SNX29: variants seen among roughly 807,000 people sequenced by gnomAD.
The protein encoded by SNX29 is sorting nexin 29, also known as sorting nexin-29.
A neutral mutation model predicts 102.1 loss-of-function variants in SNX29; 78 were observed. The observed-to-expected ratio is 0.76, with a 90% CI of 0.64 to 0.92. SNX29 has a LOEUF of 0.92. Among genes scored for constraint, SNX29 ranks in the 40% least tolerant of loss-of-function variants. SNX29 has a pLI of 0.00. For synonymous variants in SNX29, 580 were observed against 414.5 expected, an observed-to-expected ratio of 1.40 and a Z score of -4.85; for missense variants, 1,280 against 1,061.7, an observed-to-expected ratio of 1.21 and a Z score of -2.86.
At chr16:12,132,298 C>G (rs981942047) in intron 13 of SNX29, among the ~76,000 whole-genome samples, 1 of 152,142 alleles carries the variant, frequency 6.6e-6, no homozygotes, top group African/African-American at 2.4e-5. Flanking sequence ...TGGGGTTTCA[C>G]TATGTTGGCC....
chr16:12,115,282 A>T (rs1180113512), intron 11 of SNX29, among the ~76,000 whole-genome samples: 1 of 151,974 alleles, frequency 6.6e-6, no homozygotes, highest in Non-Finnish European at 1.5e-5. Context: ...ATTCTCCTCC[A>T]CAAGTACCGA....
intron 11 of SNX29, among the ~76,000 whole-genome samples, chr16:12,103,789 T>G (rs1024117537): frequency 3.3e-5 from 5 of 152,264 alleles, no homozygotes; most frequent in African/African-American, 1.2e-4. Context: ...TTGCAATCTA[T>G]CCATCTGACA....
At chr16:12,022,090 A>C (rs1227608952) in intron 3 of SNX29, among the ~76,000 whole-genome samples, 1 of 117,994 alleles carries the variant, frequency 8.5e-6, no homozygotes, top group East Asian at 2.2e-4. Context: ...CCTGGGGGGA[A>C]GTTTTTTTTT....
chr16:12,550,553 C>T (rs1378744690), intron 20 of SNX29, among the ~76,000 whole-genome samples: 2 of 147,688 alleles, frequency 1.4e-5, no homozygotes, highest in East Asian at 1.9e-4. Flanking sequence ...AAAAACCAAA[C>T]ACCAAATATG....
chr16:12,021,847 C>T (rs1240668312), intron 3 of SNX29, among the ~76,000 whole-genome samples: 4 of 151,486 alleles, frequency 2.6e-5, no homozygotes, highest in East Asian at 3.9e-4. Flanking sequence ...GCCGAGATCA[C>T]GTCACTGCAC....
chr16:12,048,112 C>T (rs1158172559), intron 6 of SNX29, among the ~76,000 whole-genome samples: 3 of 151,710 alleles, frequency 2.0e-5, no homozygotes, highest in Admixed American at 6.6e-5. Flanking sequence ...ACTCAACTCC[C>T]ATGATAACGG....
At chr16:12,529,386 C>T (rs1034954399) in intron 20 of SNX29, among the ~76,000 whole-genome samples, 7 of 152,086 alleles carry the variant, frequency 4.6e-5, no homozygotes, top group Non-Finnish European at 7.4e-5. Flanking sequence ...CAGAGATCCC[C>T]GGGGAGATGT....
chr16:12,008,138 G>A (rs562251343), intron 3 of SNX29, among the ~76,000 whole-genome samples: 2 of 152,108 alleles, frequency 1.3e-5, no homozygotes, highest in South Asian at 4.2e-4. Flanking sequence ...TAGAGATGGG[G>A]TTTCACCGTG....
Position 12,464,556 on chromosome 16 carries a change from C to T in SNX29, c.2038-13163C>T, listed in dbSNP as rs533996716. ...GCAGCCTCCACCTCCTGGGCTCAAG[C>T]GATCCTCCCACCCTAGCCTCCTGAG... On this transcript the variant is annotated intron_variant, in intron 18 of 20. Coordinates refer to ENST00000566228, the MANE Select transcript of SNX29 (RefSeq NM_032167.5). Among the ~76,000 whole-genome samples, 74 of 152,158 alleles carry T rather than the reference C, an allele frequency of 4.9e-4. 3 individuals are homozygous for T. The South Asian group carries it at 0.012, about 25-fold the overall frequency.
At chr16:12,065,558 G>A (rs1003799508) in intron 9 of SNX29, among the ~76,000 whole-genome samples, 5 of 152,164 alleles carry the variant, frequency 3.3e-5, no homozygotes, top group East Asian at 1.9e-4. Flanking sequence ...TTGTCCTCAC[G>A]TTGGATCTTG....
At chr16:12,545,842 C>A (rs191839325) in intron 20 of SNX29, among the ~76,000 whole-genome samples, 1 of 151,980 alleles carries the variant, frequency 6.6e-6, no homozygotes, top group Non-Finnish European at 1.5e-5. Flanking sequence ...GGGAGGGGAG[C>A]AGATCACCTC....
intron 20 of SNX29, among the ~76,000 whole-genome samples, chr16:12,541,745 C>G (rs184437808): frequency 6.6e-6 from 1 of 152,106 alleles, no homozygotes; most frequent in African/African-American, 2.4e-5. Flanking sequence ...CCGTACTGTG[C>G]CAGCCAGTGC....
chr16:12,568,871 G>T lies in SNX29; in HGVS notation c.*242G>T, dbSNP rs2079123156. The T allele has an allele frequency of 1.7e-6, 1 of 595,540 alleles. No homozygotes were observed. Among genetic ancestry groups the T allele is most frequent in the East Asian group, 3.1e-5 (1 of 31,936 alleles). 36.9% of individuals were successfully genotyped at this position (595,540 alleles called of 1,614,324 possible). On this transcript the variant is annotated 3_prime_UTR_variant, in exon 21 of 21. Coordinates refer to ENST00000566228, the MANE Select transcript of SNX29 (RefSeq NM_032167.5). ...AGAGACTGGGACACACAGTCCTTCTGCTTCTGGGGTCTACCCTGGGCTGCA... is the reference window on the plus strand; with the variant it reads ...AGAGACTGGGACACACAGTCCTTCTTCTTCTGGGGTCTACCCTGGGCTGCA...
At chr16:12,346,125 TC>T (rs980196072) in intron 15 of SNX29, among the ~76,000 whole-genome samples, 2 of 150,484 alleles carry the variant, frequency 1.3e-5, no homozygotes, top group African/African-American at 5.0e-5. Context: ...TTTAGAAAGA[TC>T]ATTTGAGCGT....
intron 14 of SNX29, among the ~76,000 whole-genome samples, chr16:12,239,710 C>T (rs2078043725): frequency 6.8e-6 from 1 of 148,046 alleles, no homozygotes; most frequent in Admixed American, 6.7e-5. Flanking sequence ...GTCCCAGCTA[C>T]TCGGGAGGCT....
intron 15 of SNX29, among the ~76,000 whole-genome samples, chr16:12,339,401 G>A (rs1596984678): frequency 8.3e-6 from 1 of 120,710 alleles, no homozygotes. Flanking sequence ...AAAAGATTAT[G>A]GGTAGTGAGT....
At chr16:12,520,746 A>G (rs1456638623) in intron 19 of SNX29, among the ~76,000 whole-genome samples, 1 of 149,298 alleles carries the variant, frequency 6.7e-6, no homozygotes, top group East Asian at 2.0e-4. Flanking sequence ...GAGCGAAGCT[A>G]TGGGCATGCA....
At chr16:12,504,914 A>G (rs1444511569) in intron 19 of SNX29, among the ~76,000 whole-genome samples, 4 of 152,168 alleles carry the variant, frequency 2.6e-5, no homozygotes, top group South Asian at 2.1e-4. Flanking sequence ...TTGTGTGGCT[A>G]TGCCATATTT....
intron 1 of SNX29, chr16:11,983,859 T>A: frequency 3.5e-6 from 1 of 286,976 alleles, no homozygotes; most frequent in Non-Finnish European, 5.2e-6. Context: ...ACATAGGCCG[T>A]ATATTTGCAG....
Sources: gnomAD v4.1 joint callset for allele counts (sites outside exome capture counted in the v4.1 genomes callset) on GRCh38, gnomAD v4.1.1 for gene constraint, MANE v1.5 for transcripts, NCBI Gene and HGNC (gene_info 2026-07-23, HGNC 2026-07-21) for gene names.